The following DOCK8 variants were observed in gnomAD, a reference collection of about 807,000 sequenced individuals.
DOCK8 encodes the protein dedicator of cytokinesis 8, also known as dedicator of cytokinesis protein 8.
In DOCK8, 141 loss-of-function variants were observed where a neutral mutation model predicts 245.6. That is an observed-to-expected ratio of 0.57 (90% CI 0.50 to 0.66). The LOEUF (loss-of-function observed/expected upper bound fraction) is 0.66, where lower values mean the gene tolerates loss of function less well. DOCK8 is among the 30% of genes least tolerant of loss of function. The probability of loss-of-function intolerance (pLI) is 0.00; values close to 1 mark genes in which losing one functional copy is unlikely to be tolerated. For missense variants in DOCK8, 2,965 were observed against 2,603.4 expected, an observed-to-expected ratio of 1.14 and a Z score of -3.02; for synonymous variants, 1,168 against 970.2, an observed-to-expected ratio of 1.20 and a Z score of -3.79.
At chr9:352,042 G>T (rs1373865642) in intron 14 of DOCK8, among the ~76,000 whole-genome samples, 2 of 152,220 alleles carry the variant, frequency 1.3e-5, no homozygotes, top group Non-Finnish European at 1.5e-5. Context: ...GGAGAAGGAA[G>T]TGGAGAATGC....
At chr9:317,274 C>T (rs1053935899) in intron 7 of DOCK8, 146 bp downstream of exon 7, 2 of 720,308 alleles carry the variant, frequency 2.8e-6, no homozygotes, top group Non-Finnish European at 4.9e-6. Flanking sequence ...GTAGAAAGGG[C>T]ACGTTTGAGT....
chr9:233,482 A>T (rs2047167706), intron 1 of DOCK8, among the ~76,000 whole-genome samples: 1 of 152,046 alleles, frequency 6.6e-6, no homozygotes, highest in Non-Finnish European at 1.5e-5. Context: ...GATCTGTCTA[A>T]TGTTGACAGT....
intron 4 of DOCK8, among the ~76,000 whole-genome samples, chr9:292,339 A>T (rs866278775): frequency 8.0e-6 from 1 of 125,162 alleles, no homozygotes; most frequent in East Asian, 2.6e-4. Flanking sequence ...GTGAGCCAAG[A>T]TCGCGCCATT....
At chr9:311,423 T>TC (rs1160823275) in intron 5 of DOCK8, among the ~76,000 whole-genome samples, 2 of 151,852 alleles carry the variant, frequency 1.3e-5, no homozygotes, top group African/African-American at 4.8e-5. Flanking sequence ...TTTTGCTTTT[T>TC]TTTTTTTTTT....
upstream of DOCK8, among the ~76,000 whole-genome samples, chr9:212,137 T>G (rs895113555): frequency 6.6e-6 from 1 of 152,190 alleles, no homozygotes; most frequent in African/African-American, 2.4e-5. Flanking sequence ...GTTAATGTTA[T>G]TATTTAATGG....
In DOCK8 at chr9:370,210, C is replaced by T. The variant is rs1189212952; in HGVS notation, c.1798-20C>T. 3 of 1,606,414 alleles carry T rather than the reference C, an allele frequency of 1.9e-6. No individual in the cohort carries two copies. The highest frequency in any genetic ancestry group is 2.6e-6 in the Non-Finnish European group (3 of 1,173,078). On this transcript the variant is annotated intron_variant, in intron 15 of 47. Coordinates refer to ENST00000432829, the MANE Select transcript of DOCK8 (RefSeq NM_203447.4). ...CCCAAATGTTACTGATAATTTGATC[C>T]TTTCTCTACTGGTGAACAGGTCATC...
In DOCK8 at chr9:282,559, A is replaced by G. The variant is rs570741889; in HGVS notation, c.157-3902A>G. Among the ~76,000 whole-genome samples the G allele has an allele frequency of 3.0e-4, 46 of 151,372 alleles. 2 individuals carry two copies. Among genetic ancestry groups the G allele is most frequent in the African/African-American group, 1.0e-3 (43 of 41,262 alleles). On this transcript the variant is annotated intron_variant, in intron 2 of 47. Coordinates refer to ENST00000432829, the MANE Select transcript of DOCK8 (RefSeq NM_203447.4). ...CAGCCTTTGGAGTAGCCAGCAGTATAGGTGGTGTACCACCACACCCATCTA... is the reference window on the plus strand; with the variant it reads ...CAGCCTTTGGAGTAGCCAGCAGTATGGGTGGTGTACCACCACACCCATCTA...
intron 37 of DOCK8, among the ~76,000 whole-genome samples, chr9:432,699 C>T (rs1023663673): frequency 1.3e-5 from 2 of 152,046 alleles, no homozygotes; most frequent in African/African-American, 4.8e-5. Flanking sequence ...GGAGGGATGA[C>T]ACTAAAGGCT....
chr9:354,455 A>T (rs1586778879), intron 14 of DOCK8, among the ~76,000 whole-genome samples: 1 of 152,208 alleles, frequency 6.6e-6, no homozygotes. Context: ...ACTTTTAAAA[A>T]TTTACATACT....
chr9:400,085 C>G (rs1415128645), intron 26 of DOCK8, among the ~76,000 whole-genome samples: 1 of 119,462 alleles, frequency 8.4e-6, no homozygotes, highest in African/African-American at 3.8e-5. Flanking sequence ...ATCACCACCA[C>G]CTCCACCATC....
chr9:400,030 AT>A (rs1564011662), intron 26 of DOCK8, among the ~76,000 whole-genome samples: 2 of 84,006 alleles, frequency 2.4e-5, no homozygotes, highest in African/African-American at 5.6e-5. Flanking sequence ...CACCTCCACC[AT>A]CACCACCACC....
intron 36 of DOCK8, among the ~76,000 whole-genome samples, chr9:431,608 A>C (rs2056716281): frequency 6.6e-6 from 1 of 152,112 alleles, no homozygotes; most frequent in African/African-American, 2.4e-5. Flanking sequence ...TACCAGGTTT[A>C]AGCAATTCTC....
Position 322,818 on chromosome 9 carries a change from T to G in DOCK8, c.828-2853T>G, listed in dbSNP as rs1200286707. Among the ~76,000 whole-genome samples, 4 of 152,074 alleles carry G rather than the reference T, an allele frequency of 2.6e-5. No homozygotes were observed. The East Asian group carries it at 5.8e-4, about 22-fold the overall frequency. ...CCAGGAAAGCCTCCAATTGGCCTGG[T>G]GCAGTGGCTCACACCTGTAATCCCA... is the stretch of plus-strand genomic sequence containing the variant. On this transcript the variant is annotated intron_variant, in intron 7 of 47. Transcript: ENST00000432829.
chr9:435,078 T>G, intron 39 of DOCK8, 103 bp downstream of exon 39: 3 of 1,392,904 alleles, frequency 2.2e-6, no homozygotes, highest in Non-Finnish European at 2.0e-6. Flanking sequence ...ACATTTTTGG[T>G]TATCACAACT....
intron 1 of DOCK8, among the ~76,000 whole-genome samples, chr9:216,541 A>AAAAAAAAAAAAAAAAAAAAAAAC (rs2046757887): frequency 6.6e-6 from 1 of 150,398 alleles, no homozygotes; most frequent in African/African-American, 2.4e-5. Context: ...AACAGACAAA[A>AAAAAAAAAAAAAAAAAAAAAAAC]AAAAAAAAAA....
chr9:417,960 A>G (rs2056099296), intron 29 of DOCK8, 108 bp from the exon 30 acceptor site: 7 of 1,444,724 alleles, frequency 4.8e-6, no homozygotes, highest in Non-Finnish European at 6.7e-6. Flanking sequence ...CAGGTTTGAA[A>G]TTACTGTGCT....
In DOCK8 at chr9:446,488, C is replaced by T. The variant is rs1247702919; in HGVS notation, c.5699C>T (p.Thr1900Ile). Residue 1900 changes from threonine to isoleucine, a missense_variant, in exon 44 of 48, where the codon ACC becomes ATC. Thr to Ile is a moderately conservative substitution (Grantham distance 89). Coordinates refer to ENST00000432829, the MANE Select transcript of DOCK8 (RefSeq NM_203447.4). The stretch of plus-strand genomic sequence containing the variant: ...AGGTTCATGTACACCACCCCGTTCA[C>T]CCTGGAGGGGCGGCCTCGGGGAGAG... Reference protein sequence around the residue: ...LRRFMYTTPFTLEGRPRGELH... With the variant: ...LRRFMYTTPFILEGRPRGELH... The T allele has an allele frequency of 3.7e-6, 6 of 1,614,226 alleles. No homozygotes were observed. The highest frequency in any genetic ancestry group is 2.2e-5 in the East Asian group (1 of 44,886).
chr9:308,812 G>A (rs1362499510), intron 5 of DOCK8, among the ~76,000 whole-genome samples: 2 of 151,934 alleles, frequency 1.3e-5, no homozygotes, highest in African/African-American at 2.4e-5. Flanking sequence ...CATGTGCCAC[G>A]ACACCCGGCT....
chr9:230,434 T>A (rs1252098791), intron 1 of DOCK8, among the ~76,000 whole-genome samples: 1 of 152,106 alleles, frequency 6.6e-6, no homozygotes, highest in African/African-American at 2.4e-5. Context: ...GATGGCTGGG[T>A]CAAATGGTAT....
Sources: allele counts gnomAD v4.1 joint callset (sites outside exome capture counted in the v4.1 genomes callset), GRCh38; gene constraint gnomAD v4.1.1; transcripts MANE v1.5; gene names NCBI Gene and HGNC (gene_info 2026-07-23, HGNC 2026-07-21).